Variants in TBL1X observed in about 807,000 individuals in gnomAD.
The protein encoded by TBL1X is transducin beta like 1 X-linked, also known as F-box-like/WD repeat-containing protein TBL1X.
A neutral mutation model predicts 50.7 loss-of-function variants in TBL1X; 10 were observed. The observed-to-expected ratio is 0.20, with a 90% confidence interval of 0.12 to 0.33. TBL1X has a LOEUF of 0.33. Among genes scored for constraint, TBL1X ranks in the 10% least tolerant of loss-of-function variants. TBL1X has a pLI of 1.00. For missense variants in TBL1X, 340 were observed against 504.4 expected (o/e 0.67, Z 3.12); for synonymous variants, 190 against 214.7 (o/e 0.88, Z 1.01).
intron 2 of TBL1X, among the ~76,000 whole-genome samples, chrX:9,583,739 A>G (rs1173251588): frequency 2.7e-5 from 3 of 112,091 alleles, no homozygotes; most frequent in South Asian, 3.7e-4. Context: ...AACACAGTAT[A>G]TAAATGCTAA....
At chrX:9,561,674 G>A (rs1022991384) in intron 2 of TBL1X, among the ~76,000 whole-genome samples, 1 of 112,430 alleles carries the variant, frequency 8.9e-6, no homozygotes, top group African/African-American at 3.2e-5. Context: ...TCATATGTAT[G>A]TGTGCACGTA....
rs373617168 is a variant in TBL1X, at chrX:9,555,317, G to A, written c.-131+53468G>A. Among the ~76,000 whole-genome samples the A allele has an allele frequency of 2.4e-4, 27 of 111,204 alleles. No homozygotes were observed. In the South Asian group the frequency reaches 6.5e-3, roughly 27 times the overall value. Reference sequence around the variant, plus strand: ...GTCTTTTGAATTCCTGGGCTCAAGCGATCCTCCTGTTTCAGCCTCCCAAAG... The same window carrying A: ...GTCTTTTGAATTCCTGGGCTCAAGCAATCCTCCTGTTTCAGCCTCCCAAAG... On this transcript the variant is annotated intron_variant, in intron 2 of 17. Transcript: ENST00000645353.
chrX:9,585,588 C>T (rs754735652), intron 2 of TBL1X, among the ~76,000 whole-genome samples: 2 of 110,832 alleles, frequency 1.8e-5, no homozygotes, highest in East Asian at 5.7e-4. Context: ...AACAGAGTGC[C>T]ACAGACTGGT....
At chrX:9,699,472 T>G (rs906610233) in intron 12 of TBL1X, among the ~76,000 whole-genome samples, 5 of 111,917 alleles carry the variant, frequency 4.5e-5, no homozygotes, top group Non-Finnish European at 9.4e-5. Flanking sequence ...AAGTTAACTA[T>G]TCTATCAGCT....
At chrX:9,690,074 T>C (rs779291071) in intron 7 of TBL1X, among the ~76,000 whole-genome samples, 2 of 112,495 alleles carry the variant, frequency 1.8e-5, no homozygotes, top group African/African-American at 6.4e-5. Context: ...CTCACCGTAT[T>C]GTGAAACTGT....
At chrX:9,649,721 G>A (rs1601816092) in intron 3 of TBL1X, among the ~76,000 whole-genome samples, 1 of 111,523 alleles carries the variant, frequency 9.0e-6, no homozygotes, top group East Asian at 2.8e-4. Context: ...TGCTCCTGGG[G>A]TGGGGAATAT....
intron 2 of TBL1X, among the ~76,000 whole-genome samples, chrX:9,517,926 C>T (rs1371582134): frequency 5.4e-5 from 6 of 110,794 alleles, no homozygotes. Flanking sequence ...GGCAACATAG[C>T]AAGACCTTGT....
At chrX:9,659,684 A>G (rs374134220) in intron 5 of TBL1X, among the ~76,000 whole-genome samples, 1 of 112,199 alleles carries the variant, frequency 8.9e-6, no homozygotes, top group East Asian at 2.8e-4. Flanking sequence ...ACCAGAAACC[A>G]GTGCATTCTT....
At chrX:9,550,450 C>T (rs1392096288) in intron 2 of TBL1X, among the ~76,000 whole-genome samples, 23 of 112,092 alleles carry the variant, frequency 2.1e-4, no homozygotes. Flanking sequence ...GGGCTGTCTC[C>T]GGAGTTCCCT....
At chrX:9,545,762 A>G (rs185191088) in intron 2 of TBL1X, among the ~76,000 whole-genome samples, 12 of 111,204 alleles carry the variant, frequency 1.1e-4, no homozygotes, top group Non-Finnish European at 2.1e-4. Context: ...ACACCTCATA[A>G]TTAAACATAT....
At chrX:9,560,911 G>A (rs5979118) in intron 2 of TBL1X, among the ~76,000 whole-genome samples, 1 of 111,783 alleles carries the variant, frequency 8.9e-6, no homozygotes, top group Admixed American at 9.4e-5. Context: ...AAGTCCCAGA[G>A]AACTGTGTCA....
rs1005441814 is a variant in TBL1X at position 9,538,819 on chromosome X, CTGGGGAAAG to C, written c.-131+36971_-131+36979del. On this transcript the variant is annotated intron_variant, in intron 2 of 17. Coordinates refer to ENST00000645353, the MANE Select transcript of TBL1X (RefSeq NM_005647.4). ...CTTCGCCTTTGGTAGGGAAAGGCAGCTGGGGAAAGGTTGCATGGCCCAGTGCCAGGGTGC... is the reference window on the plus strand; with the variant it reads ...CTTCGCCTTTGGTAGGGAAAGGCAGCGTTGCATGGCCCAGTGCCAGGGTGC... 5.3e-5 allele frequency among the ~76,000 whole-genome samples: 6 copies of C among 112,686 alleles called. No individual in the cohort carries two copies. In the Admixed American group the frequency reaches 5.6e-4, roughly 11 times the overall value.
chrX:9,597,260 A>G (rs1229938529), intron 2 of TBL1X, among the ~76,000 whole-genome samples: 2 of 111,521 alleles, frequency 1.8e-5, no homozygotes, highest in Non-Finnish European at 3.8e-5. Context: ...GAAAAGATCA[A>G]ATGTTGAGAA....
At position 9,693,124 on chromosome X, in the gene TBL1X, G is replaced by T. The variant is rs777844265; in HGVS notation, c.892-25G>T. The T allele has an allele frequency of 1.1e-5, 13 of 1,209,246 alleles. No individual in the cohort carries two copies. In the African/African-American group the frequency reaches 2.1e-4, roughly 20 times the overall value. On this transcript the variant is annotated intron_variant, in intron 9 of 17. Transcript: ENST00000645353. Reference sequence around the variant, plus strand: ...TGCCGCTCCTAAGTTGTTTTTGTGGGGTTTTGTCTCTTTCTGGCCCTCAGA... The same window carrying T: ...TGCCGCTCCTAAGTTGTTTTTGTGGTGTTTTGTCTCTTTCTGGCCCTCAGA...
At chrX:9,556,303 T>C (rs184158001) in intron 2 of TBL1X, among the ~76,000 whole-genome samples, 474 of 111,234 alleles carry the variant, frequency 4.3e-3, no homozygotes, top group Non-Finnish European at 6.8e-3. Flanking sequence ...GATTAGTTTC[T>C]GTGGCTGCTG....
chrX:9,574,050 T>G (rs941939173), intron 2 of TBL1X, among the ~76,000 whole-genome samples: 3 of 111,191 alleles, frequency 2.7e-5, no homozygotes, highest in Non-Finnish European at 5.7e-5. Flanking sequence ...CAGCAGGTAG[T>G]GGGGTAGAGT....
intron 5 of TBL1X, among the ~76,000 whole-genome samples, chrX:9,665,821 A>G (rs2082927788): frequency 9.2e-6 from 1 of 108,538 alleles, no homozygotes; most frequent in African/African-American, 3.4e-5. Flanking sequence ...GTTCCGTGTT[A>G]CCTGATGTAT....
chrX:9,492,884 T>G (rs1362483028), intron 1 of TBL1X, among the ~76,000 whole-genome samples: 6 of 45,058 alleles, frequency 1.3e-4, no homozygotes, highest in Non-Finnish European at 1.8e-4. Flanking sequence ...TGTGTGTGTG[T>G]GTGTGTGTGT....
chrX:9,556,154 A>T (rs2082296920), intron 2 of TBL1X, among the ~76,000 whole-genome samples: 1 of 108,471 alleles, frequency 9.2e-6, no homozygotes, highest in South Asian at 4.2e-4. Flanking sequence ...GTGCCACTGT[A>T]TTCCAGCCTA....
Sources: allele counts gnomAD v4.1 joint callset (sites outside exome capture counted in the v4.1 genomes callset), GRCh38; gene constraint gnomAD v4.1.1; transcripts MANE v1.5; gene names NCBI Gene and HGNC (gene_info 2026-07-23, HGNC 2026-07-21).